ZNF140: variants seen among roughly 807,000 people sequenced by gnomAD.
ZNF140 encodes zinc finger protein 140 (clone pHZ-39).
Under a neutral mutation model 12.9 loss-of-function variants are expected in ZNF140, and 13 were observed. That is an observed-to-expected ratio of 1.01 (90% CI 0.66 to 1.60). The LOEUF (loss-of-function observed/expected upper bound fraction) is 1.60, where lower values mean the gene tolerates loss of function less well. Among genes scored for constraint, ZNF140 ranks in the 40% most tolerant of loss-of-function variants. The pLI, the probability that ZNF140 is intolerant of heterozygous loss-of-function variation, is 0.00. For missense variants in ZNF140, 531 were observed against 548.8 expected, an observed-to-expected ratio of 0.97 and a Z score of 0.32; for synonymous variants, 214 against 186.7, an observed-to-expected ratio of 1.15 and a Z score of -1.19.
intron 4 of ZNF140, among the ~76,000 whole-genome samples, chr12:133,097,851 T>TGTGTGTGTGTGTGTGTGTGTG (rs1219923897): frequency 3.4e-4 from 27 of 78,654 alleles, no homozygotes; most frequent in South Asian, 1.2e-3. Context: ...GTGTGTGTGT[T>TGTGTGTGTGTGTGTGTGTGTG]TTTGAGATGA....
intron 4 of ZNF140, among the ~76,000 whole-genome samples, chr12:133,099,688 A>T (rs1460132005): frequency 6.6e-6 from 1 of 152,092 alleles, no homozygotes; most frequent in Non-Finnish European, 1.5e-5. Flanking sequence ...CCTGTCTTTT[A>T]AAAAAATAAA....
At chr12:133,081,606 C>T (rs1271443067) in intron 2 of ZNF140, 8 of 454,084 alleles carry the variant, frequency 1.8e-5, no homozygotes, top group Middle Eastern at 3.3e-4. Context: ...CTTGTTCCTC[C>T]TTTTCAGGTG....
chr12:133,106,491 G>T lies in ZNF140; in HGVS notation c.1214G>T (p.Arg405Ile), dbSNP rs778373091. The T allele has an allele frequency of 1.2e-6, 2 of 1,613,776 alleles. No individual in the cohort carries two copies. The highest frequency in any genetic ancestry group is 1.7e-5 in the Admixed American group (1 of 59,990). Residue 405 changes from arginine to isoleucine, a missense_variant, in exon 5 of 5, where the codon AGA becomes ATA. Transcript: ENST00000355557. ...SRSFSLILHQ[R>I]THTGEKPYVC... ...AGCTTTTCCCTCATTCTACATCAGA[G>T]AACTCATACTGGAGAGAAACCCTAT...
intron 4 of ZNF140, among the ~76,000 whole-genome samples, chr12:133,095,836 A>C (rs956442272): frequency 7.2e-5 from 11 of 152,038 alleles, no homozygotes; most frequent in South Asian, 2.1e-4. Context: ...ATCTCAGCGG[A>C]GTAAAGAATA....
intron 4 of ZNF140, among the ~76,000 whole-genome samples, chr12:133,092,251 T>C (rs1464223099): frequency 2.6e-5 from 4 of 151,052 alleles, no homozygotes; most frequent in African/African-American, 9.8e-5. Context: ...TTAAGATATG[T>C]ACGGATGGAG....
chr12:133,095,178 A>T (rs1247381473), intron 4 of ZNF140, among the ~76,000 whole-genome samples: 5 of 151,156 alleles, frequency 3.3e-5, no homozygotes, highest in Non-Finnish European at 7.4e-5. Context: ...TTAAATCTAA[A>T]GTTCCCTGTT....
Position 133,105,637 on chromosome 12 carries a change from C to A in ZNF140, c.360C>A (p.Gly120=). The change falls in exon 5 of 5, where the codon GGC becomes GGA. Residue 120 remains glycine (G), a synonymous_variant. Transcript: ENST00000355557. ...QGPVYSSFKG[G]WKCKDHTEML... is the part of the protein sequence containing the mutation. ...CTGTGTATTCCAGTTTTAAAGGAGG[C>A]TGGAAATGCAAGGATCATACTGAGA... 6.2e-7 allele frequency: 1 copy of A among 1,614,022 alleles called. No homozygotes were observed. Among genetic ancestry groups the A allele is most frequent in the Non-Finnish European group, 8.5e-7 (1 of 1,180,008 alleles).
intron 4 of ZNF140, among the ~76,000 whole-genome samples, chr12:133,098,423 A>G (rs1239617193): frequency 1.3e-5 from 2 of 150,664 alleles, no homozygotes; most frequent in East Asian, 2.0e-4. Context: ...CATTTTTAGT[A>G]GAGATAGGGT....
chr12:133,100,170 T>TG (rs1955290340), intron 4 of ZNF140, among the ~76,000 whole-genome samples: 2 of 135,790 alleles, frequency 1.5e-5, no homozygotes, highest in African/African-American at 5.9e-5. Flanking sequence ...GTTTTTTTTT[T>TG]TTTTTTTTTT....
intron 4 of ZNF140, among the ~76,000 whole-genome samples, chr12:133,097,724 G>C (rs796804724): frequency 1.2e-4 from 18 of 151,996 alleles, no homozygotes; most frequent in African/African-American, 4.3e-4. Flanking sequence ...TACAATCATA[G>C]CTCACTGCTG....
intron 4 of ZNF140, among the ~76,000 whole-genome samples, chr12:133,097,043 C>T (rs1955154607): frequency 2.0e-5 from 3 of 152,156 alleles, no homozygotes; most frequent in Non-Finnish European, 4.4e-5. Context: ...TGTTGTTAGG[C>T]ACATGCACAC....
At chr12:133,104,686 A>G (rs1955517104) in intron 4 of ZNF140, among the ~76,000 whole-genome samples, 1 of 152,210 alleles carries the variant, frequency 6.6e-6, no homozygotes, top group African/African-American at 2.4e-5. Context: ...GACACTTCAT[A>G]TTATTTCAAA....
intron 4 of ZNF140, among the ~76,000 whole-genome samples, chr12:133,095,897 T>C (rs1234265747): frequency 3.9e-5 from 6 of 151,950 alleles, no homozygotes; most frequent in African/African-American, 9.7e-5. Context: ...TAGGGCGGTT[T>C]TGCTACTATC....
chr12:133,082,879 A>G (rs1263590894), intron 2 of ZNF140: 1 of 498,012 alleles, frequency 2.0e-6, no homozygotes, highest in Non-Finnish European at 3.4e-6. Flanking sequence ...AAAATTGTAA[A>G]TTATCTCAGG....
intron 1 of ZNF140, 76 bp downstream of exon 1, chr12:133,081,148 G>T: frequency 3.3e-6 from 1 of 307,022 alleles, no homozygotes; most frequent in Non-Finnish European, 6.5e-6. Context: ...GATCTCTCAG[G>T]GCGCCCTGCT....
upstream of ZNF140, chr12:133,080,775 C>T (rs369131989): frequency 6.6e-6 from 1 of 152,360 alleles, no homozygotes; most frequent in African/African-American, 2.4e-5. Context: ...CCAGTAGGAA[C>T]GAAAAGCCCT....
rs1954572920 is a variant in ZNF140 at position 133,083,581 on chromosome 12, A to G, written c.232+20A>G. On this transcript the variant is annotated intron_variant, in intron 4 of 4. Transcript: ENST00000355557. ...TTTCAGGTGAGTGAGTTGGAAGCTGATGGGGAAATTTTTTAAAACCACTCA... is the reference window on the plus strand; with the variant it reads ...TTTCAGGTGAGTGAGTTGGAAGCTGGTGGGGAAATTTTTTAAAACCACTCA... The G allele has an allele frequency of 1.3e-5, 20 of 1,598,226 alleles. 1 individual carries two copies. In the South Asian group the frequency reaches 1.9e-4, roughly 15 times the overall value.
Position 133,106,576 on chromosome 12 carries a change from GAC to G in ZNF140, c.1306_1307del (p.Thr436SerfsTer2), listed in dbSNP as rs748726814. Reference protein sequence around the residue: ...WSSNLAKHQRTHTLDNPYEYE... With the variant: ...WSSNLAKHQRXHTLDNPYEYE... ...GCTCAAACCTTGCTAAACATCAGAGGACACACACTCTTGACAACCCCTATGAA... is the reference window on the plus strand; with the variant it reads ...GCTCAAACCTTGCTAAACATCAGAGGACACACTCTTGACAACCCCTATGAA... On this transcript the variant is annotated frameshift_variant, in exon 5 of 5. Coordinates refer to ENST00000355557, the MANE Select transcript of ZNF140 (RefSeq NM_003440.4). LOFTEE classifies it low-confidence loss of function (END_TRUNC). The G allele has an allele frequency of 3.1e-6, 5 of 1,613,436 alleles. No individual in the cohort carries two copies. The Admixed American group carries it at 5.0e-5, about 16-fold the overall frequency.
intron 4 of ZNF140, among the ~76,000 whole-genome samples, chr12:133,087,651 T>C (rs1277174453): frequency 6.6e-6 from 1 of 152,174 alleles, no homozygotes; most frequent in African/African-American, 2.4e-5. Flanking sequence ...CAGATGATGC[T>C]GATGCTGAAC....
Sources: gnomAD v4.1 joint callset for allele counts (sites outside exome capture counted in the v4.1 genomes callset) on GRCh38, gnomAD v4.1.1 for gene constraint, MANE v1.5 for transcripts, NCBI Gene and HGNC (gene_info 2026-07-23, HGNC 2026-07-21) for gene names.